The following USP25 variants were observed in gnomAD, a reference collection of about 807,000 sequenced individuals.
USP25 encodes ubiquitin carboxyl-terminal hydrolase 25.
A neutral mutation model predicts 158.5 loss-of-function variants in USP25; 85 were observed. The observed-to-expected ratio is 0.54, with a 90% confidence interval of 0.45 to 0.64. The LOEUF (loss-of-function observed/expected upper bound fraction) is 0.64, where lower values mean the gene tolerates loss of function less well. Among genes scored for constraint, USP25 ranks in the 30% least tolerant of loss-of-function variants. The probability of loss-of-function intolerance (pLI) is 0.00; values close to 1 mark genes in which losing one functional copy is unlikely to be tolerated. For missense variants in USP25, 1,242 were observed against 1,327.3 expected, an observed-to-expected ratio of 0.94 and a Z score of 1.00; for synonymous variants, 464 against 460.4, an observed-to-expected ratio of 1.01 and a Z score of -0.10.
At position 15,855,543 on chromosome 21, in the gene USP25, T is replaced by C. The variant is rs573255796; in HGVS notation, c.2547+5671T>C. 7.9e-4 allele frequency among the ~76,000 whole-genome samples: 121 copies of C among 152,276 alleles called. No individual in the cohort carries two copies. In the Middle Eastern group the frequency reaches 0.01, roughly 13 times the overall value. ...AGGCCTAAATCGTTAATGCAAAAAA[T>C]ATACTTCTCCATGCATCTTGTTAAA... On this transcript the variant is annotated intron_variant, in intron 20 of 25. Coordinates refer to ENST00000400183, the MANE Select transcript of USP25 (RefSeq NM_001283041.3).
chr21:15,744,855 T>C (rs1361010674), intron 1 of USP25: 1 of 152,484 alleles, frequency 6.6e-6, no homozygotes, highest in Admixed American at 6.5e-5. Flanking sequence ...CCCAAAGTGC[T>C]GGGATTACAG....
chr21:15,776,086 C>G (rs959224627), intron 3 of USP25, among the ~76,000 whole-genome samples: 1 of 151,874 alleles, frequency 6.6e-6, no homozygotes, highest in Admixed American at 6.6e-5. Flanking sequence ...CATTCCATAC[C>G]TTTTTAATCC....
chr21:15,859,215 C>T (rs1297048535), intron 20 of USP25, among the ~76,000 whole-genome samples: 2 of 147,028 alleles, frequency 1.4e-5, no homozygotes, highest in Non-Finnish European at 3.0e-5. Flanking sequence ...TTTTTTGAGA[C>T]GGGGTCTCGC....
intron 2 of USP25, among the ~76,000 whole-genome samples, chr21:15,764,566 T>C (rs1358769435): frequency 6.6e-6 from 1 of 152,014 alleles, no homozygotes; most frequent in Non-Finnish European, 1.5e-5. Flanking sequence ...TGAGAACATA[T>C]TTTTAGCTCT....
chr21:15,745,932 T>G (rs2032520900), intron 1 of USP25, among the ~76,000 whole-genome samples: 2 of 152,254 alleles, frequency 1.3e-5, no homozygotes, highest in South Asian at 4.1e-4. Context: ...GCATGTGGAA[T>G]CTAGTCCCAG....
intron 4 of USP25, among the ~76,000 whole-genome samples, chr21:15,784,222 A>T (rs1231322032): frequency 1.3e-5 from 2 of 152,236 alleles, no homozygotes; most frequent in African/African-American, 4.8e-5. Flanking sequence ...TGAAGGTTTA[A>T]AGTTAAAAAT....
chr21:15,874,287 T>G, intron 23 of USP25, 116 bp from the exon 24 acceptor site: 1 of 947,762 alleles, frequency 1.1e-6, no homozygotes, highest in South Asian at 1.9e-5. Context: ...ATATTTTTTA[T>G]TATAATGTAG....
intron 14 of USP25, among the ~76,000 whole-genome samples, chr21:15,828,076 G>A (rs2037615312): frequency 6.6e-6 from 1 of 151,616 alleles, no homozygotes; most frequent in South Asian, 2.1e-4. Context: ...GAATTATATT[G>A]AACAATATTG....
rs372229979 is a variant in USP25 at position 15,874,483 on chromosome 21, A to C, written c.2966A>C (p.His989Pro). The change falls in exon 24 of 26, where the codon CAT (histidine) becomes CCT (proline). Residue 989 changes from histidine (H) to proline (P), a missense_variant. Transcript: ENST00000400183. ...ELLSKGLYRG[H>P]DEELISHYRR... ...TTGTCTAAAGGCTTATACAGAGGAC[A>C]TGATGAAGAATTGATATCACATTAT... The C allele has an allele frequency of 3.7e-6, 6 of 1,611,212 alleles. No homozygotes were observed. The highest frequency in any genetic ancestry group is 5.1e-6 in the Non-Finnish European group (6 of 1,178,878).
chr21:15,732,875 G>A (rs1429419859), intron 1 of USP25, among the ~76,000 whole-genome samples: 2 of 152,036 alleles, frequency 1.3e-5, no homozygotes, highest in Non-Finnish European at 2.9e-5. Flanking sequence ...CTTTTGATGT[G>A]TTCTTTGCTT....
chr21:15,839,210 A>C (rs2038208583), intron 17 of USP25, among the ~76,000 whole-genome samples: 1 of 152,146 alleles, frequency 6.6e-6, no homozygotes, highest in Non-Finnish European at 1.5e-5. Context: ...ACCTACCGTG[A>C]CTACAACACC....
Position 15,815,994 on chromosome 21 carries a change from G to A in USP25, c.932-2704G>A, listed in dbSNP as rs1363757522. Among the ~76,000 whole-genome samples, 4 of 152,120 alleles carry A rather than the reference G, an allele frequency of 2.6e-5. No homozygotes were observed. In the South Asian group the frequency reaches 8.3e-4, roughly 32 times the overall value. ...GAAGACATGATTGGTTTTGAAATGT[G>A]AGGACATGAGATTTGGAGGGGCTAG... On this transcript the variant is annotated intron_variant, in intron 9 of 25. Transcript: ENST00000400183.
intron 17 of USP25, among the ~76,000 whole-genome samples, chr21:15,833,843 T>C (rs2037930124): frequency 6.6e-6 from 1 of 152,194 alleles, no homozygotes; most frequent in African/African-American, 2.4e-5. Context: ...CAGAGAAAGC[T>C]GTGAAATCAG....
chr21:15,773,456 T>C (rs1300823645), intron 3 of USP25: 1 of 152,070 alleles, frequency 6.6e-6, no homozygotes, highest in Non-Finnish European at 1.5e-5. Flanking sequence ...GCAGGAATCG[T>C]GTAACCAGGT....
At chr21:15,847,260 T>C (rs1426155866) in intron 18 of USP25, among the ~76,000 whole-genome samples, 1 of 152,186 alleles carries the variant, frequency 6.6e-6, no homozygotes, top group Admixed American at 6.6e-5. Context: ...AATTGTCAGC[T>C]ATACAGACAA....
chr21:15,806,527 T>A (rs2036401422), intron 7 of USP25, among the ~76,000 whole-genome samples: 1 of 152,108 alleles, frequency 6.6e-6, no homozygotes, highest in African/African-American at 2.4e-5. Flanking sequence ...TGGAGCCATG[T>A]ATGTACATAG....
intron 19 of USP25, 105 bp downstream of exon 19, chr21:15,847,881 A>ATTTATT: frequency 1.7e-6 from 1 of 599,616 alleles, no homozygotes; most frequent in Non-Finnish European, 2.8e-6. Flanking sequence ...TTGCCACATA[A>ATTTATT]CATACAGCTT....
intron 5 of USP25, among the ~76,000 whole-genome samples, chr21:15,795,109 T>C (rs947807993): frequency 9.9e-5 from 15 of 151,576 alleles, no homozygotes; most frequent in Non-Finnish European, 2.2e-4. Context: ...AATCCATTTC[T>C]TCTCTATCTT....
In USP25 at chr21:15,791,597, G is replaced by T; in HGVS notation, c.488G>T (p.Arg163Ile). 1 of 1,611,722 alleles carries T rather than the reference G, an allele frequency of 6.2e-7. No homozygotes were observed. The highest frequency in any genetic ancestry group is 1.1e-5 in the South Asian group (1 of 90,914). ...RDSRNPYDRK[R>I]QDKAPVGLKN... ...TCTCGAAACCCTTATGATAGAAAAA[G>T]ACAGGACAAAGCTCCCGTTGGGCTA... is the stretch of plus-strand genomic sequence containing the variant. Residue 163 changes from arginine to isoleucine, a missense_variant, in exon 5 of 26, where the codon AGA (arginine) becomes ATA (isoleucine). Arg to Ile is a moderately conservative substitution (Grantham distance 97). Coordinates refer to ENST00000400183, the MANE Select transcript of USP25 (RefSeq NM_001283041.3).
Sources: allele counts gnomAD v4.1 joint callset (sites outside exome capture counted in the v4.1 genomes callset), GRCh38; gene constraint gnomAD v4.1.1; transcripts MANE v1.5; gene names NCBI Gene and HGNC (gene_info 2026-07-23, HGNC 2026-07-21).